The following MYBPC2 variants were observed in gnomAD, a reference collection of about 807,000 sequenced individuals.
MYBPC2 encodes myosin-binding protein C, fast-type.
Under a neutral mutation model 137.0 loss-of-function variants are expected in MYBPC2, and 122 were observed. That is an observed-to-expected ratio of 0.89 (90% confidence interval 0.77 to 1.03). The LOEUF is 1.03. Ranked by LOEUF, MYBPC2 falls within the 50% of genes least tolerant of loss-of-function variation. MYBPC2 has a pLI of 0.00. For synonymous variants in MYBPC2, 626 were observed against 612.3 expected, an observed-to-expected ratio of 1.02 and a Z score of -0.33; for missense variants, 1,500 against 1,534.4, an observed-to-expected ratio of 0.98 and a Z score of 0.37.
Position 50,443,508 on chromosome 19 carries a change from A to G in MYBPC2, c.917A>G (p.Asn306Ser). Residue 306 changes from asparagine (N) to serine (S), a missense_variant, in exon 10 of 28, where the codon AAC (asparagine) becomes AGC (serine). Asn to Ser is a conservative substitution (Grantham distance 46). Coordinates refer to ENST00000357701, the MANE Select transcript of MYBPC2 (RefSeq NM_004533.4). ...IKPSSKYVFE[N>S]VGKKRILTIN... ...TTTTGAATCAGGTACGTGTTTGAGA[A>G]CGTTGGTAAGAAGCGAATTCTTACC... 1 of 1,613,296 alleles carries G rather than the reference A, an allele frequency of 6.2e-7. No homozygotes were observed. The highest frequency in any genetic ancestry group is 8.5e-7 in the Non-Finnish European group (1 of 1,179,652).
chr19:50,436,105 G>A lies in MYBPC2; in HGVS notation c.290G>A (p.Gly97Asp), dbSNP rs751080048. ...KWFKGKWLEL[G>D]SKSGARFSFK... ...TTCAAGGGGAAGTGGCTGGAGCTGG[G>A]CAGCAAGAGTGGCGCCCGCTTCTCC... The change falls in exon 4 of 28, where the codon GGC (glycine) becomes GAC (aspartate). Residue 97 changes from glycine to aspartate, a missense_variant. Gly to Asp is a moderately conservative substitution (Grantham distance 94). Transcript: ENST00000357701. 1.1e-5 allele frequency: 17 copies of A among 1,582,088 alleles called. No individual in the cohort carries two copies. The highest frequency in any genetic ancestry group is 1.5e-5 in the Non-Finnish European group (17 of 1,164,514).
At chr19:50,461,146 G>A (rs1283484796) in intron 24 of MYBPC2, among the ~76,000 whole-genome samples, 2 of 152,044 alleles carry the variant, frequency 1.3e-5, no homozygotes, top group Non-Finnish European at 2.9e-5. Context: ...TGGGACTACA[G>A]GTGCTGGCCA....
In MYBPC2 at chr19:50,441,178, A is replaced by G. The variant is rs1381009419; in HGVS notation, c.769+102A>G. On this transcript the variant is annotated intron_variant, in intron 8 of 27. Transcript: ENST00000357701. ...CTGGACCTATCTTTTCGAGGTCCCA[A>G]TGAGGTAGGAGGCAAGACCCAACTC... is the stretch of plus-strand genomic sequence containing the variant. The G allele has an allele frequency of 1.1e-5, 14 of 1,290,994 alleles. No homozygotes were observed. In the Admixed American group the frequency reaches 4.0e-4, roughly 36 times the overall value. 80.0% of individuals were successfully genotyped at this position (1,290,994 alleles called of 1,614,324 possible).
chr19:50,459,308 T>TGC lies in MYBPC2; in HGVS notation c.2791+9_2791+10dup. On this transcript the variant is annotated splice_region_variant and intron_variant, in intron 23 of 27. Transcript: ENST00000357701. ...CCACCATCCGCATCCGCGTTGTGGG[T>TGC]GCGCGCGCTGGGGAGGGCCCCTGGA... is the stretch of plus-strand genomic sequence containing the variant. 1 of 1,555,158 alleles carries TGC rather than the reference T, an allele frequency of 6.4e-7. No homozygotes were observed. The highest frequency in any genetic ancestry group is 1.1e-5 in the South Asian group (1 of 88,024).
At position 50,435,655 on chromosome 19, in the gene MYBPC2, T is replaced by A. The variant is rs982294586; in HGVS notation, c.110-121T>A. On this transcript the variant is annotated intron_variant, in intron 2 of 27. Coordinates refer to ENST00000357701, the MANE Select transcript of MYBPC2 (RefSeq NM_004533.4). The surrounding 1 kb of genome is among the most constrained non-coding windows in gnomAD (Gnocchi z 4.8). ...GTCAGGAAAAGCCATTTAACCCCCATGATGTTTGGTTTCTGAGTAGAGGGG... is the reference window on the plus strand; with the variant it reads ...GTCAGGAAAAGCCATTTAACCCCCAAGATGTTTGGTTTCTGAGTAGAGGGG... 2.5e-6 allele frequency: 2 copies of A among 808,456 alleles called. No individual in the cohort carries two copies. Among genetic ancestry groups the A allele is most frequent in the Admixed American group, 6.0e-5 (2 of 33,332 alleles). 50.1% of individuals were successfully genotyped at this position (808,456 alleles called of 1,614,324 possible).
intron 16 of MYBPC2, among the ~76,000 whole-genome samples, chr19:50,452,488 G>GTATCTATC (rs772824530): frequency 1.4e-3 from 127 of 93,608 alleles, no homozygotes; most frequent in African/African-American, 4.7e-3. Context: ...ATGTATGTAT[G>GTATCTATC]TATGTATGTA....
chr19:50,444,280 GTCCATCCATTCATCCA>G (rs757087053), intron 11 of MYBPC2, among the ~76,000 whole-genome samples: 362 of 130,710 alleles, frequency 2.8e-3, no homozygotes, highest in East Asian at 6.6e-3. Flanking sequence ...TTAACCATCT[GTCCATCCATTCATCCA>G]TCCATCCATC....
At chr19:50,448,121 T>G (rs1050060449) in intron 12 of MYBPC2, 104 bp from the exon 13 acceptor site, 194 of 1,344,196 alleles carry the variant, frequency 1.4e-4, no homozygotes. Context: ...CTGTGGCTGG[T>G]ATCCCCAGTG....
At chr19:50,445,750 C>A in intron 11 of MYBPC2, 130 bp from the exon 12 acceptor site, 1 of 903,110 alleles carries the variant, frequency 1.1e-6, no homozygotes, top group Non-Finnish European at 1.7e-6. Context: ...GCCTCTGCCA[C>A]TCATTATGTC....
intron 16 of MYBPC2, among the ~76,000 whole-genome samples, chr19:50,452,432 TA>T (rs57062799): frequency 0.018 from 2,681 of 149,270 alleles, 87 homozygotes; most frequent in African/African-American, 0.06. Context: ...ATAATCTATC[TA>T]ATCTATCTAT....
chr19:50,461,937 C>T lies in MYBPC2; in HGVS notation c.3129C>T (p.Asp1043=). ...AACCGTTCGAGTATAAGGAGCATGA[C>T]TTCCGGATGGCTCCCAAGTTCCTGA... ...TFKPFEYKEH[D]FRMAPKFLTP... The change falls in exon 26 of 28, where the codon GAC becomes GAT. Residue 1043 remains aspartate, a synonymous_variant. Coordinates refer to ENST00000357701, the MANE Select transcript of MYBPC2 (RefSeq NM_004533.4). The T allele has an allele frequency of 6.3e-7, 1 of 1,595,236 alleles. No homozygotes were observed. The highest frequency in any genetic ancestry group is 2.3e-5 in the East Asian group (1 of 44,080).
chr19:50,450,800 G>A (rs757045446), intron 13 of MYBPC2, 29 bp from the exon 14 acceptor site: 25 of 1,534,882 alleles, frequency 1.6e-5, no homozygotes, highest in South Asian at 1.6e-4. Context: ...AATCTGGTTC[G>A]AGCCCTACCC....
chr19:50,451,304 A>C lies in MYBPC2; in HGVS notation c.1604A>C (p.Lys535Thr). The C allele has an allele frequency of 1.2e-6, 2 of 1,613,616 alleles. No homozygotes were observed. The highest frequency in any genetic ancestry group is 1.3e-5 in the African/African-American group (1 of 74,950). ...FLEIKVEYVP[K>T]QEPPKIHLDC... ...GAAATCAAGGTGGAGTACGTTCCCA[A>C]GCAAGGTGAGCACCACGGGCTGCGC... Residue 535 changes from lysine (K) to threonine (T), a missense_variant, in exon 15 of 28, where the codon AAG becomes ACG. Transcript: ENST00000357701.
intron 11 of MYBPC2, among the ~76,000 whole-genome samples, chr19:50,444,879 C>CA (rs34557075): frequency 0.018 from 1,178 of 66,776 alleles, 24 homozygotes; most frequent in African/African-American, 0.02. Flanking sequence ...GACTCCGTCT[C>CA]AAAAAAAAAA....
At chr19:50,461,443 G>A in intron 24 of MYBPC2, 99 bp from the exon 25 acceptor site, 1 of 1,270,692 alleles carries the variant, frequency 7.9e-7, no homozygotes, top group Admixed American at 2.2e-5. Flanking sequence ...TTTAAACACT[G>A]GATGTGCTTT....
intron 24 of MYBPC2, 22 bp downstream of exon 24, chr19:50,460,201 T>C: frequency 6.3e-7 from 1 of 1,584,332 alleles, no homozygotes. Context: ...GAGGGGGAGA[T>C]GGGGAAGAGC....
chr19:50,443,400 A>G, intron 9 of MYBPC2, 94 bp from the exon 10 acceptor site: 1 of 1,480,534 alleles, frequency 6.8e-7, no homozygotes, highest in South Asian at 1.3e-5. Context: ...TGAGAGAGAG[A>G]GAGAGAGACT....
intron 13 of MYBPC2, among the ~76,000 whole-genome samples, chr19:50,449,769 G>A (rs188194169): frequency 7.6e-4 from 115 of 152,300 alleles, no homozygotes; most frequent in African/African-American, 2.5e-3. Context: ...GGAGAACATC[G>A]TGCCGTTCAG....
intron 13 of MYBPC2, among the ~76,000 whole-genome samples, chr19:50,448,661 TGTTA>T (rs1360216300): frequency 1.3e-5 from 2 of 151,896 alleles, no homozygotes; most frequent in Non-Finnish European, 2.9e-5. Flanking sequence ...GGTTTTGCCA[TGTTA>T]GTCAGGCTGG....
Sources: gnomAD v4.1 joint callset for allele counts (sites outside exome capture counted in the v4.1 genomes callset) on GRCh38, gnomAD v4.1.1 for gene constraint, Gnocchi (gnomAD v3.1) non-coding constraint, MANE v1.5 for transcripts, NCBI Gene and HGNC (gene_info 2026-07-23, HGNC 2026-07-21) for gene names.